IFNLR1: variants seen among roughly 807,000 people sequenced by gnomAD.
The protein encoded by IFNLR1 is interferon lambda receptor 1, also known as CRF2-12.
IFNLR1 carries 28 observed loss-of-function variants against 52.5 expected under a neutral mutation model. That is an observed-to-expected ratio of 0.53 (90% CI 0.40 to 0.73). IFNLR1 has a LOEUF of 0.73. IFNLR1 is among the 30% of genes least tolerant of loss of function. The probability of loss-of-function intolerance (pLI) is 0.00; values close to 1 mark genes in which losing one functional copy is unlikely to be tolerated. For missense variants in IFNLR1, 623 were observed against 659.1 expected (o/e 0.95, Z 0.60); for synonymous variants, 276 against 274.9 (o/e 1.00, Z -0.04).
rs371906937 is a variant in IFNLR1, at chr1:24,163,136, T to G, written c.368-1452A>C. 2.8e-4 allele frequency among the ~76,000 whole-genome samples: 42 copies of G among 151,612 alleles called. No homozygotes were observed. In the South Asian group the frequency reaches 6.2e-3, roughly 23 times the overall value. Reference sequence around the variant, plus strand: ...CCACCACTCCCGGACACTTTTTGTATTTTTTAGTAGAGACAGACTTTCACC... The same window carrying G: ...CCACCACTCCCGGACACTTTTTGTAGTTTTTAGTAGAGACAGACTTTCACC... On this transcript the variant is annotated intron_variant, in intron 3 of 6. Transcript: ENST00000327535.
chr1:24,162,836 T>C, intron 3 of IFNLR1, among the ~76,000 whole-genome samples: 1 of 45,948 alleles, frequency 2.2e-5, no homozygotes, highest in Non-Finnish European at 4.1e-5. Context: ...CTTTCTTTTC[T>C]TTCTTTCTTT....
At chr1:24,180,691 C>CCCCCCCTG in intron 2 of IFNLR1, 40 bp downstream of exon 2, 1 of 1,437,896 alleles carries the variant, frequency 7.0e-7, no homozygotes, top group Non-Finnish European at 9.5e-7. Flanking sequence ...CACCCACCCC[C>CCCCCCCTG]TCAGTCTTCC....
At chr1:24,183,885 A>C (rs900532015) in intron 1 of IFNLR1, among the ~76,000 whole-genome samples, 2 of 152,078 alleles carry the variant, frequency 1.3e-5, no homozygotes, top group African/African-American at 4.8e-5. Context: ...ATGTGCCACC[A>C]CACCTGGCTA....
rs1644474630 is a variant in IFNLR1, at chr1:24,162,876, T to TTCCTTCC, written c.368-1193_368-1192insGGAAGGA. Among the ~76,000 whole-genome samples, 68 of 22,580 alleles carry TTCCTTCC rather than the reference T, an allele frequency of 3.0e-3. 1 individual carries two copies. The highest frequency in any genetic ancestry group is 0.014 in the Middle Eastern group (1 of 74). The allele number at this position is 22,580 out of a possible 152,430, so 14.8% of individuals were successfully genotyped here. ...CTTTCTTTCTTTCTTTCTTTCTTTC[T>TTCCTTCC]TTCCTTCCTTCCTTCCTTCCTTCCT... On this transcript the variant is annotated intron_variant, in intron 3 of 6. Transcript: ENST00000327535.
At chr1:24,170,116 C>T (rs776975490) in intron 2 of IFNLR1, among the ~76,000 whole-genome samples, 7 of 152,186 alleles carry the variant, frequency 4.6e-5, no homozygotes, top group African/African-American at 7.2e-5. Context: ...TTTGCCCTTC[C>T]GCTATGCGAA....
chr1:24,163,857 G>C (rs1444055970), intron 3 of IFNLR1, among the ~76,000 whole-genome samples: 1 of 152,106 alleles, frequency 6.6e-6, no homozygotes, highest in East Asian at 1.9e-4. Context: ...GGGATTACAG[G>C]TGTGGGCTGG....
At chr1:24,162,130 C>A (rs1426828662) in intron 3 of IFNLR1, among the ~76,000 whole-genome samples, 1 of 152,204 alleles carries the variant, frequency 6.6e-6, no homozygotes, top group African/African-American at 2.4e-5. Flanking sequence ...CAGCTGGTTC[C>A]TCCGCTCTGG....
At chr1:24,170,473 G>A (rs1644567961) in intron 2 of IFNLR1, among the ~76,000 whole-genome samples, 1 of 152,138 alleles carries the variant, frequency 6.6e-6, no homozygotes. Context: ...TGATTCTCCT[G>A]CCTCAGCCTC....
intron 3 of IFNLR1, among the ~76,000 whole-genome samples, chr1:24,164,153 G>A (rs561094743): frequency 6.6e-6 from 1 of 152,294 alleles, no homozygotes; most frequent in East Asian, 1.9e-4. Flanking sequence ...GGACATGAAA[G>A]GGACAATCAG....
intron 2 of IFNLR1, among the ~76,000 whole-genome samples, chr1:24,175,977 G>A (rs1212899658): frequency 1.3e-5 from 2 of 151,874 alleles, no homozygotes; most frequent in African/African-American, 4.8e-5. Context: ...TTGGGAGGGG[G>A]TGAATGTATT....
At chr1:24,184,907 T>C (rs1644722272) in intron 1 of IFNLR1, among the ~76,000 whole-genome samples, 2 of 152,082 alleles carry the variant, frequency 1.3e-5, no homozygotes, top group African/African-American at 4.8e-5. Flanking sequence ...TCATCTCAGC[T>C]ACTTGGGAGG....
intron 3 of IFNLR1, among the ~76,000 whole-genome samples, chr1:24,162,864 T>TCTCC (rs1644472638): frequency 1.3e-5 from 1 of 74,790 alleles, no homozygotes. Flanking sequence ...TCTTTCTTTC[T>TCTCC]TTCTTTCTTT....
At position 24,157,269 on chromosome 1, in the gene IFNLR1, C is replaced by A; in HGVS notation, c.1424G>T (p.Cys475Phe). Residue 475 changes from cysteine to phenylalanine, a missense_variant, in exon 7 of 7, where the codon TGC becomes TTC. By Grantham distance (205) the Cys-to-Phe change is radical (BLOSUM62 -2). Coordinates refer to ENST00000327535, the MANE Select transcript of IFNLR1 (RefSeq NM_170743.4). This position sits in a 1 kb window ranked among gnomAD's most constrained non-coding sequence, Gnocchi z 5.1. Reference protein sequence around the residue: ...PPVSLQTLTFCWESSPEEEEE... With the variant: ...PPVSLQTLTFFWESSPEEEEE... Reference sequence around the variant, plus strand: ...TTCCTCCTCAGGGCTGCTTTCCCAGCAGAAGGTCAGTGTCTGAAGAGAAAC... The same window carrying A: ...TTCCTCCTCAGGGCTGCTTTCCCAGAAGAAGGTCAGTGTCTGAAGAGAAAC... 6.2e-7 allele frequency: 1 copy of A among 1,614,144 alleles called. No individual in the cohort carries two copies. Among genetic ancestry groups the A allele is most frequent in the Admixed American group, 1.7e-5 (1 of 60,020 alleles).
chr1:24,161,777 C>T lies in IFNLR1; in HGVS notation c.368-93G>A, dbSNP rs572425138. On this transcript the variant is annotated intron_variant, in intron 3 of 6. Coordinates refer to ENST00000327535, the MANE Select transcript of IFNLR1 (RefSeq NM_170743.4). Reference sequence around the variant, plus strand: ...GAGAGCTCTCTTGGAAATGGAAAAGCAACTAGCATGTTTCAAACACTTCTT... The same window carrying T: ...GAGAGCTCTCTTGGAAATGGAAAAGTAACTAGCATGTTTCAAACACTTCTT... 464 of 1,279,502 alleles carry T rather than the reference C, an allele frequency of 3.6e-4. 7 individuals are homozygous for T. The South Asian group carries it at 7.2e-3, about 20-fold the overall frequency. 79.3% of individuals were successfully genotyped at this position (1,279,502 alleles called of 1,614,324 possible). A position where few individuals can be genotyped will look rare whatever the true frequency, so the allele number is the denominator to read the frequency against.
In IFNLR1 at chr1:24,154,277, C is replaced by T. The variant is rs1272316045; in HGVS notation, c.*2853G>A. 1.3e-5 allele frequency: 2 copies of T among 152,002 alleles called. No homozygotes were observed. The highest frequency in any genetic ancestry group is 2.4e-5 in the African/African-American group (1 of 41,370). The allele number at this position is 152,002 out of a possible 1,614,324, so 9.4% of individuals were successfully genotyped here. The stretch of plus-strand genomic sequence containing the variant: ...AACATAGAAAAAATAGAAATAAATA[C>T]AAATACATAAGAACAACATATACCG... On this transcript the variant is annotated 3_prime_UTR_variant, in exon 7 of 7. Coordinates refer to ENST00000327535, the MANE Select transcript of IFNLR1 (RefSeq NM_170743.4).
Position 24,162,407 on chromosome 1 carries a change from A to G in IFNLR1, c.368-723T>C, listed in dbSNP as rs546636310. On this transcript the variant is annotated intron_variant, in intron 3 of 6. Transcript: ENST00000327535. ...ACTTCTCTTCTGCCTCCATCTGGAGAAAGTTTTAAAGGCTCATGGGATTAG... is the reference window on the plus strand; with the variant it reads ...ACTTCTCTTCTGCCTCCATCTGGAGGAAGTTTTAAAGGCTCATGGGATTAG... 8.9e-4 allele frequency among the ~76,000 whole-genome samples: 135 copies of G among 152,288 alleles called. 1 individual carries two copies. Among genetic ancestry groups the G allele is most frequent in the African/African-American group, 3.1e-3 (130 of 41,540 alleles).
At chr1:24,161,994 G>A (rs1406550943) in intron 3 of IFNLR1, among the ~76,000 whole-genome samples, 1 of 152,158 alleles carries the variant, frequency 6.6e-6, no homozygotes, top group African/African-American at 2.4e-5. Context: ...TCACTGGCCT[G>A]GCAGATCCTG....
chr1:24,168,836 T>C (rs1644546857), intron 3 of IFNLR1, among the ~76,000 whole-genome samples: 1 of 152,110 alleles, frequency 6.6e-6, no homozygotes, highest in African/African-American at 2.4e-5. Flanking sequence ...CTCCGCCTCC[T>C]GGGTTCAAGC....
chr1:24,182,186 C>A (rs560835519), intron 1 of IFNLR1, among the ~76,000 whole-genome samples: 1 of 130,526 alleles, frequency 7.7e-6, no homozygotes. Flanking sequence ...GGCAACAGGG[C>A]GAGACTCCAT....
Sources: allele counts gnomAD v4.1 joint callset (sites outside exome capture counted in the v4.1 genomes callset), GRCh38; gene constraint gnomAD v4.1.1; non-coding constraint Gnocchi (gnomAD v3.1); transcripts MANE v1.5; gene names NCBI Gene and HGNC (gene_info 2026-07-23, HGNC 2026-07-21).